The following SPATA2 variants were observed in gnomAD, a reference collection of about 807,000 sequenced individuals.
SPATA2 encodes the protein spermatogenesis-associated protein 2.
A neutral mutation model predicts 35.4 loss-of-function variants in SPATA2; 8 were observed. The ratio of observed to expected loss-of-function variants is 0.23; its 90% CI spans 0.13 to 0.41. The LOEUF (loss-of-function observed/expected upper bound fraction) is 0.41, where lower values mean the gene tolerates loss of function less well. Ranked by LOEUF, SPATA2 falls within the 10% of genes least tolerant of loss-of-function variation. The probability of loss-of-function intolerance (pLI) is 1.00; values close to 1 mark genes in which losing one functional copy is unlikely to be tolerated. For synonymous variants in SPATA2, 293 were observed against 300.9 expected (o/e 0.97, Z 0.27); for missense variants, 650 against 698.7 (o/e 0.93, Z 0.79).
At chr20:49,909,557 A>AG (rs1174880779) in intron 1 of SPATA2, among the ~76,000 whole-genome samples, 1 of 152,066 alleles carries the variant, frequency 6.6e-6, no homozygotes, top group African/African-American at 2.4e-5. Context: ...ATACAAAAAA[A>AG]TTTTTAAGAA....
At position 49,905,728 on chromosome 20, in the gene SPATA2, C is replaced by G. The variant is rs769861273; in HGVS notation, c.1454G>C (p.Ser485Thr). ...GTAGCAGGGGTCATAATGGTAAGCG[C>G]TGAGGCAGGCGTCACATGAGACTTT... ...CSKVSCDACL[S>T]AYHYDPCYKK... Residue 485 changes from serine (S) to threonine (T), a missense_variant, in exon 3 of 3, where the codon AGC becomes ACC. Ser to Thr is a moderately conservative substitution (Grantham distance 58). Coordinates refer to ENST00000289431, the MANE Select transcript of SPATA2 (RefSeq NM_006038.4). 1.9e-5 allele frequency: 31 copies of G among 1,614,116 alleles called. No homozygotes were observed. The Middle Eastern group carries it at 4.9e-4, about 26-fold the overall frequency.
At chr20:49,909,084 G>A (rs1299463672) in intron 1 of SPATA2, among the ~76,000 whole-genome samples, 2 of 152,096 alleles carry the variant, frequency 1.3e-5, no homozygotes, top group African/African-American at 2.4e-5. Context: ...GTGCAGTGGC[G>A]TGATCTCAGC....
chr20:49,915,488 G>C lies in SPATA2; in HGVS notation c.-211C>G, dbSNP rs1334496311. On this transcript the variant is annotated 5_prime_UTR_variant, in exon 1 of 3. Coordinates refer to ENST00000289431, the MANE Select transcript of SPATA2 (RefSeq NM_006038.4). ...CTAGCCTCTCCGGCCGGCTGCAGGG[G>C]TACTGAGACCAGTACCCGGGGGCCA... is the stretch of plus-strand genomic sequence containing the variant. 1 of 152,272 alleles carries C rather than the reference G, an allele frequency of 6.6e-6. No individual in the cohort carries two copies. Among genetic ancestry groups the C allele is most frequent in the South Asian group, 2.1e-4 (1 of 4,834 alleles). The allele number at this position is 152,272 out of a possible 1,614,324, so 9.4% of individuals were successfully genotyped here.
intron 1 of SPATA2, among the ~76,000 whole-genome samples, chr20:49,911,264 G>C (rs1473985128): frequency 3.3e-5 from 5 of 152,056 alleles, no homozygotes; most frequent in Admixed American, 1.3e-4. Flanking sequence ...ACCCTCCCTG[G>C]TAAGCTGGTA....
In SPATA2 at chr20:49,906,067, G is replaced by A. The variant is rs757113007; in HGVS notation, c.1115C>T (p.Ser372Leu). 5.8e-5 allele frequency: 93 copies of A among 1,607,252 alleles called. No homozygotes were observed. The highest frequency in any genetic ancestry group is 1.5e-4 in the Admixed American group (9 of 59,982). ...NDAHSLYHKRSPPAKESALSK... is the reference protein window; with the variant it reads ...NDAHSLYHKRLPPAKESALSK... ...GAGGGCGGACTCTTTGGCAGGGGGCGAGCGCTTGTGGTAGAGGGAGTGGGC... is the reference window on the plus strand; with the variant it reads ...GAGGGCGGACTCTTTGGCAGGGGGCAAGCGCTTGTGGTAGAGGGAGTGGGC... Residue 372 changes from serine to leucine, a missense_variant, in exon 3 of 3, where the codon TCG (serine) becomes TTG (leucine). By Grantham distance (145) the Ser-to-Leu change is moderately radical (BLOSUM62 -2). Coordinates refer to ENST00000289431, the MANE Select transcript of SPATA2 (RefSeq NM_006038.4). The surrounding 1 kb of genome is among the most constrained non-coding windows in gnomAD (Gnocchi z 8.2).
In SPATA2 at chr20:49,908,407, A is replaced by G. The variant is rs773964657; in HGVS notation, c.84T>C (p.Asp28=). The G allele has an allele frequency of 1.9e-6, 3 of 1,613,990 alleles. No individual in the cohort carries two copies. The highest frequency in any genetic ancestry group is 2.5e-6 in the Non-Finnish European group (3 of 1,179,932). ...CAGGCCGCTGCCTGCTGGTGGTGGTATCCACTTTGCTCTCATGGAACTGCA... is the reference window on the plus strand; with the variant it reads ...CAGGCCGCTGCCTGCTGGTGGTGGTGTCCACTTTGCTCTCATGGAACTGCA... ...KYVQFHESKV[D]TTTSRQRPGS... The change falls in exon 2 of 3, where the codon GAT becomes GAC. Residue 28 remains aspartate (D), a synonymous_variant. Coordinates refer to ENST00000289431, the MANE Select transcript of SPATA2 (RefSeq NM_006038.4).
Position 49,906,513 on chromosome 20 carries a change from G to A in SPATA2, c.669C>T (p.Ala223=), listed in dbSNP as rs1371796959. 9 of 1,612,018 alleles carry A rather than the reference G, an allele frequency of 5.6e-6. No homozygotes were observed. The highest frequency in any genetic ancestry group is 1.3e-5 in the African/African-American group (1 of 75,046). Residue 223 remains alanine, a synonymous_variant, in exon 3 of 3, where the codon GCC becomes GCT. Transcript: ENST00000289431. The surrounding 1 kb of genome is among the most constrained non-coding windows in gnomAD (Gnocchi z 8.2). The stretch of plus-strand genomic sequence containing the variant: ...TCTGGAGTGCCACTCGTGACATGGA[G>A]GCCGTCAGGTGCTCCCGGCCCTCTG... ...RRAEGREHLT[A]SMSRVALQKS... is the part of the protein sequence containing the mutation.
intron 1 of SPATA2, among the ~76,000 whole-genome samples, chr20:49,912,936 C>G (rs960405469): frequency 5.3e-5 from 6 of 114,050 alleles, no homozygotes; most frequent in Middle Eastern, 4.2e-3. Flanking sequence ...GACTCCGTCT[C>G]TACAAAAAAA....
In SPATA2 at chr20:49,905,905, C is replaced by A; in HGVS notation, c.1277G>T (p.Gly426Val). 1 of 1,612,526 alleles carries A rather than the reference C, an allele frequency of 6.2e-7. No individual in the cohort carries two copies. The highest frequency in any genetic ancestry group is 1.1e-5 in the South Asian group (1 of 91,070). ...KASTHDSLAH[G>V]ASLREKYPGQ... ...TGGGTACTTCTCCCGCAGAGATGCC[C>A]CGTGGGCCAGGCTGTCATGAGTCGA... The change falls in exon 3 of 3, where the codon GGG becomes GTG. Residue 426 changes from glycine (G) to valine (V), a missense_variant. Gly to Val is a moderately radical substitution (Grantham distance 109). Coordinates refer to ENST00000289431, the MANE Select transcript of SPATA2 (RefSeq NM_006038.4).
rs756984969 is a variant in SPATA2, at chr20:49,906,002, G to A, written c.1180C>T (p.Leu394Phe). 3.7e-6 allele frequency: 6 copies of A among 1,606,774 alleles called. No individual in the cohort carries two copies. The highest frequency in any genetic ancestry group is 1.7e-5 in the Admixed American group (1 of 59,996). The stretch of plus-strand genomic sequence containing the variant: ...AGCAGGCTGTCACAGCGCTGGCAGA[G>A]GGAGGAGCTGCAGGACAGCCCGCAG... ...QSCGLSCSSSLCQRCDSLLTC... is the reference protein window; with the variant it reads ...QSCGLSCSSSFCQRCDSLLTC... The change falls in exon 3 of 3, where the codon CTC (leucine) becomes TTC (phenylalanine). Residue 394 changes from leucine to phenylalanine, a missense_variant. Physicochemically the swap from Leu to Phe is conservative, Grantham distance 22. Coordinates refer to ENST00000289431, the MANE Select transcript of SPATA2 (RefSeq NM_006038.4). This position sits in a 1 kb window ranked among gnomAD's most constrained non-coding sequence, Gnocchi z 8.2.
chr20:49,908,113 G>A (rs1043717386), intron 2 of SPATA2, 42 bp downstream of exon 2: 2 of 1,542,406 alleles, frequency 1.3e-6, no homozygotes, highest in South Asian at 2.5e-5. Flanking sequence ...GGGGCAGGAA[G>A]AGAGAAGGAG....
At chr20:49,910,862 T>C (rs1351194747) in intron 1 of SPATA2, among the ~76,000 whole-genome samples, 1 of 152,160 alleles carries the variant, frequency 6.6e-6, no homozygotes, top group Non-Finnish European at 1.5e-5. Context: ...CACACTGCAC[T>C]GCTGAGGGAG....
intron 1 of SPATA2, among the ~76,000 whole-genome samples, chr20:49,908,984 C>G (rs1337237868): frequency 5.3e-5 from 8 of 152,088 alleles, no homozygotes; most frequent in Admixed American, 5.2e-4. Context: ...CTAATAGTAC[C>G]AGAGGCTCCA....
rs2090124192 is a variant in SPATA2, at chr20:49,903,934, TATATATATA to T, written c.*1676_*1684del. 1 of 58,560 alleles carries T rather than the reference TATATATATA, an allele frequency of 1.7e-5. No homozygotes were observed. The highest frequency in any genetic ancestry group is 4.8e-5 in the African/African-American group (1 of 20,884). The allele number at this position is 58,560 out of a possible 1,614,324, so 3.6% of individuals were successfully genotyped here. A position where few individuals can be genotyped will look rare whatever the true frequency, so the allele number is the denominator to read the frequency against. ...ATATATATATATATATATATATATA[TATATATATA>T]TATATATATTAAAAAGAGAGCCATA... is the stretch of plus-strand genomic sequence containing the variant. On this transcript the variant is annotated 3_prime_UTR_variant, in exon 3 of 3. Coordinates refer to ENST00000289431, the MANE Select transcript of SPATA2 (RefSeq NM_006038.4).
chr20:49,915,500 G>A lies in SPATA2; in HGVS notation c.-223C>T, dbSNP rs899982480. 1.3e-5 allele frequency: 2 copies of A among 152,296 alleles called. No homozygotes were observed. Among genetic ancestry groups the A allele is most frequent in the Admixed American group, 1.3e-4 (2 of 15,286 alleles). 9.4% of individuals were successfully genotyped at this position (152,296 alleles called of 1,614,324 possible). ...GCCGGCTGCAGGGGTACTGAGACCA[G>A]TACCCGGGGGCCAGCAGCGACCCGG... On this transcript the variant is annotated 5_prime_UTR_variant, in exon 1 of 3. Transcript: ENST00000289431.
Position 49,905,621 on chromosome 20 carries a change from A to G in SPATA2, c.1561T>C (p.Ter521GlnextTer27), listed in dbSNP as rs1225560150. 6.2e-7 allele frequency: 1 copy of G among 1,614,074 alleles called. No individual in the cohort carries two copies. The highest frequency in any genetic ancestry group is 2.2e-5 in the East Asian group (1 of 44,876). The change falls in exon 3 of 3, where the codon TAG (stop) becomes CAG (glutamine). Residue 521 changes from the stop codon to glutamine (Q), a stop_lost. Coordinates refer to ENST00000289431, the MANE Select transcript of SPATA2 (RefSeq NM_006038.4). The stretch of plus-strand genomic sequence containing the variant: ...GAGCTGGAAGGGGCGAGGCCGGTCT[A>G]TCTGTACACGAGATGGGAGAGCTGG... ...STQLSHLVYR* is the reference protein window; with the variant it reads ...STQLSHLVYRQ
intron 1 of SPATA2, among the ~76,000 whole-genome samples, chr20:49,909,887 T>G (rs527786131): frequency 6.6e-6 from 1 of 152,310 alleles, no homozygotes; most frequent in East Asian, 1.9e-4. Flanking sequence ...CGGTCTTATT[T>G]ACAATTTTCA....
At chr20:49,913,735 A>C (rs2146837751) in intron 1 of SPATA2, 1 of 152,340 alleles carries the variant, frequency 6.6e-6, no homozygotes, top group Admixed American at 6.5e-5. Flanking sequence ...ATATGATGTA[A>C]GCTCAAGGGC....
intron 1 of SPATA2, among the ~76,000 whole-genome samples, chr20:49,909,610 A>G (rs1014107873): frequency 6.6e-6 from 1 of 151,570 alleles, no homozygotes; most frequent in Non-Finnish European, 1.5e-5. Flanking sequence ...GAGGCAGAGA[A>G]GCTGAGCTCA....
Sources: allele counts gnomAD v4.1 joint callset (sites outside exome capture counted in the v4.1 genomes callset), GRCh38; gene constraint gnomAD v4.1.1; non-coding constraint Gnocchi (gnomAD v3.1); transcripts MANE v1.5; gene names NCBI Gene and HGNC (gene_info 2026-07-23, HGNC 2026-07-21).